PRKAR2A: variants seen among roughly 807,000 people sequenced by gnomAD.
PRKAR2A encodes cAMP-dependent protein kinase type II-alpha regulatory subunit.
Under a neutral mutation model 51.9 loss-of-function variants are expected in PRKAR2A, and 29 were observed. The ratio of observed to expected loss-of-function variants is 0.56; its 90% CI spans 0.42 to 0.76. The LOEUF is 0.76. Among genes scored for constraint, PRKAR2A ranks in the 30% least tolerant of loss-of-function variants. PRKAR2A has a pLI of 0.00. For synonymous variants in PRKAR2A, 178 were observed against 186.2 expected (o/e 0.96, Z 0.36); for missense variants, 445 against 512.1 (o/e 0.87, Z 1.26).
chr3:48,794,730 T>C (rs949317526), intron 2 of PRKAR2A, among the ~76,000 whole-genome samples: 2 of 151,566 alleles, frequency 1.3e-5, no homozygotes, highest in African/African-American at 4.9e-5. Context: ...GTGGGAGACA[T>C]AAAGGGAAAA....
intron 6 of PRKAR2A, among the ~76,000 whole-genome samples, chr3:48,765,724 CAAAAAAAA>C (rs756566818): frequency 1.9e-3 from 86 of 45,252 alleles, no homozygotes; most frequent in Middle Eastern, 0.056. Context: ...ACCCTCATTT[CAAAAAAAA>C]AAAAAAAAAA....
chr3:48,800,373 C>G (rs1034077491), intron 2 of PRKAR2A, among the ~76,000 whole-genome samples: 51 of 151,038 alleles, frequency 3.4e-4, no homozygotes, highest in African/African-American at 1.2e-3. Flanking sequence ...ATTAGCCAGG[C>G]GTGGTGGTGC....
chr3:48,808,162 C>T (rs2082706591), intron 1 of PRKAR2A, among the ~76,000 whole-genome samples: 1 of 151,932 alleles, frequency 6.6e-6, no homozygotes, highest in Admixed American at 6.5e-5. Flanking sequence ...ATTCTCCTGC[C>T]TCAGCCTCCG....
chr3:48,779,134 AT>A (rs1258282530), intron 5 of PRKAR2A, among the ~76,000 whole-genome samples: 2 of 151,932 alleles, frequency 1.3e-5, no homozygotes. Context: ...GCCTAAAAAA[AT>A]GTTTTGTAAA....
chr3:48,812,597 G>A (rs543408764), intron 1 of PRKAR2A, among the ~76,000 whole-genome samples: 2 of 151,006 alleles, frequency 1.3e-5, no homozygotes, highest in South Asian at 2.1e-4. Flanking sequence ...ATTCTCCTGC[G>A]TCAGCCTCCT....
intron 2 of PRKAR2A, among the ~76,000 whole-genome samples, chr3:48,799,624 C>G (rs955249053): frequency 2.6e-5 from 4 of 151,982 alleles, no homozygotes; most frequent in Non-Finnish European, 5.9e-5. Flanking sequence ...AGCACATAAG[C>G]CTTAAAGGGC....
rs1205157858 is a variant in PRKAR2A at position 48,769,102 on chromosome 3, AAACAAC to A, written c.697-3759_697-3754del. Among the ~76,000 whole-genome samples, 6 of 151,886 alleles carry A rather than the reference AAACAAC, an allele frequency of 4.0e-5. No individual in the cohort carries two copies. The South Asian group carries it at 8.3e-4, about 21-fold the overall frequency. On this transcript the variant is annotated intron_variant, in intron 6 of 10. Transcript: ENST00000265563. ...ATGACAGAGCAAGAGTCCATCTCAA[AAACAAC>A]AACAACAACAACAGATTTCTAACTA... is the stretch of plus-strand genomic sequence containing the variant.
At chr3:48,800,531 T>TACACACAC (rs534797511) in intron 2 of PRKAR2A, among the ~76,000 whole-genome samples, 1 of 148,126 alleles carries the variant, frequency 6.8e-6, no homozygotes. Context: ...AAAAACTATA[T>TACACACAC]ACACACACAC....
intron 5 of PRKAR2A, among the ~76,000 whole-genome samples, chr3:48,776,240 CAT>C (rs2082103108): frequency 6.6e-6 from 1 of 152,098 alleles, no homozygotes; most frequent in Non-Finnish European, 1.5e-5. Context: ...CTGAGGGAAA[CAT>C]AAACTTTTCA....
At chr3:48,787,147 A>C (rs2082306432) in intron 4 of PRKAR2A, among the ~76,000 whole-genome samples, 1 of 140,684 alleles carries the variant, frequency 7.1e-6, no homozygotes, top group African/African-American at 2.6e-5. Flanking sequence ...ATTATTGAGA[A>C]AAGTAATTAT....
intron 1 of PRKAR2A, among the ~76,000 whole-genome samples, chr3:48,835,118 T>C (rs1285458063): frequency 2.6e-5 from 4 of 152,036 alleles, no homozygotes; most frequent in Non-Finnish European, 2.9e-5. Context: ...ACTACAGATG[T>C]ACACCACCAC....
chr3:48,836,538 T>G (rs751808988), intron 1 of PRKAR2A, among the ~76,000 whole-genome samples: 10 of 149,270 alleles, frequency 6.7e-5, no homozygotes, highest in Non-Finnish European at 1.2e-4. Flanking sequence ...TATAAACTTC[T>G]AGAAGAAAAT....
At chr3:48,843,724 A>G (rs2083415474) in intron 1 of PRKAR2A, among the ~76,000 whole-genome samples, 1 of 152,184 alleles carries the variant, frequency 6.6e-6, no homozygotes, top group Admixed American at 6.6e-5. Flanking sequence ...TGAGAAAAAC[A>G]AGCAATGGGG....
chr3:48,822,777 G>C (rs955087211), intron 1 of PRKAR2A, among the ~76,000 whole-genome samples: 2 of 84,666 alleles, frequency 2.4e-5, no homozygotes, highest in Non-Finnish European at 5.2e-5. Context: ...GCCCAGGCTG[G>C]AGTGTGGTGG....
At chr3:48,781,088 A>T (rs1575868923) in intron 5 of PRKAR2A, among the ~76,000 whole-genome samples, 1 of 151,208 alleles carries the variant, frequency 6.6e-6, no homozygotes, top group African/African-American at 2.4e-5. Flanking sequence ...CTCCTGCCTC[A>T]GCCTTCCAAG....
intron 5 of PRKAR2A, 103 bp downstream of exon 5, chr3:48,782,883 C>A: frequency 1.2e-6 from 1 of 802,312 alleles, no homozygotes; most frequent in Admixed American, 2.2e-5. Flanking sequence ...GTTCACCTGG[C>A]CCTTAGCCTC....
At chr3:48,810,901 G>A (rs1273972808) in intron 1 of PRKAR2A, among the ~76,000 whole-genome samples, 1 of 152,148 alleles carries the variant, frequency 6.6e-6, no homozygotes, top group Non-Finnish European at 1.5e-5. Context: ...AAGGGGCCGG[G>A]TGCAGTGGCT....
chr3:48,772,985 A>C lies in PRKAR2A; in HGVS notation c.666T>G (p.Val222=). The part of the protein sequence containing the change: ...MYNTPRAATI[V]ATSEGSLWGL... ...CCCAAAGGGAGCCTTCTGAGGTAGC[A>C]ACAATGGTAGCAGCTCTCGGGGTGT... The change falls in exon 6 of 11, where the codon GTT becomes GTG. Residue 222 remains valine (V), a synonymous_variant. Coordinates refer to ENST00000265563, the MANE Select transcript of PRKAR2A (RefSeq NM_004157.4). 6.2e-7 allele frequency: 1 copy of C among 1,613,580 alleles called. No homozygotes were observed. Among genetic ancestry groups the C allele is most frequent in the Non-Finnish European group, 8.5e-7 (1 of 1,179,730 alleles).
chr3:48,807,353 C>T (rs1045994819), intron 2 of PRKAR2A, among the ~76,000 whole-genome samples: 1 of 151,834 alleles, frequency 6.6e-6, no homozygotes, highest in Non-Finnish European at 1.5e-5. Flanking sequence ...GCAGCATAAG[C>T]CAGAATACCA....
Sources: allele counts gnomAD v4.1 joint callset (sites outside exome capture counted in the v4.1 genomes callset), GRCh38; gene constraint gnomAD v4.1.1; transcripts MANE v1.5; gene names NCBI Gene and HGNC (gene_info 2026-07-23, HGNC 2026-07-21).